The following MAP4 variants were observed in gnomAD, a reference collection of about 807,000 sequenced individuals.
MAP4 encodes the protein microtubule associated protein 4.
Under a neutral mutation model 170.2 loss-of-function variants are expected in MAP4, and 76 were observed. That is an observed-to-expected ratio of 0.45 (90% confidence interval 0.37 to 0.54). MAP4 has a LOEUF of 0.54. Ranked by LOEUF, MAP4 falls within the 20% of genes least tolerant of loss-of-function variation. The pLI, the probability that MAP4 is intolerant of heterozygous loss-of-function variation, is 0.00. For synonymous variants in MAP4, 909 were observed against 994.5 expected, an observed-to-expected ratio of 0.91 and a Z score of 1.62; for missense variants, 2,506 against 2,748.0, an observed-to-expected ratio of 0.91 and a Z score of 1.97.
intron 3 of MAP4, among the ~76,000 whole-genome samples, chr3:47,970,269 T>C (rs867722725): frequency 5.9e-5 from 9 of 151,882 alleles, no homozygotes; most frequent in Admixed American, 2.6e-4. Context: ...GTGGATCACC[T>C]GAGGTTGGGA....
In MAP4 at chr3:47,871,030, G is replaced by T. The variant is rs1559838305; in HGVS notation, c.6077C>A (p.Ala2026Asp). The T allele has an allele frequency of 1.2e-6, 2 of 1,613,978 alleles. No individual in the cohort carries two copies. Among genetic ancestry groups the T allele is most frequent in the Non-Finnish European group, 1.7e-6 (2 of 1,179,956 alleles). Reference protein sequence around the residue: ...KTTTLSGTAPAAGVVPSRVKA... With the variant: ...KTTTLSGTAPDAGVVPSRVKA... ...GACTCGGCTGGGAACCACCCCTGCA[G>T]CGGGGGCTGTCCCACTGAGAGTGGT... Residue 2026 changes from alanine (A) to aspartate (D), a missense_variant, in exon 15 of 21, where the codon GCT becomes GAT. By Grantham distance (126) the Ala-to-Asp change is moderately radical (BLOSUM62 -2). Around this residue, in one of 3 missense-constraint regions of MAP4, gnomAD observed 487 missense variants for 511.6 expected, o/e 0.95. Coordinates refer to ENST00000683076, the MANE Select transcript of MAP4 (RefSeq NM_001385682.1).
chr3:48,030,980 G>C (rs140116254), intron 1 of MAP4, among the ~76,000 whole-genome samples: 1 of 151,980 alleles, frequency 6.6e-6, no homozygotes, highest in African/African-American at 2.4e-5. Context: ...CCAAGAGGTA[G>C]AACATAACCC....
chr3:48,074,679 TGTGTG>T lies in MAP4; in HGVS notation c.-20+14089_-20+14093del, dbSNP rs1559906064. On this transcript the variant is annotated intron_variant, in intron 1 of 18. Coordinates refer to the MAP4 transcript ENST00000360240. Reference sequence around the variant, plus strand: ...GCAAGCCACCACATCCAGCTAATTGTGTGTGTGTGTGTGTGTGTGTGTGTGTGTGT... The same window carrying T: ...GCAAGCCACCACATCCAGCTAATTGTTGTGTGTGTGTGTGTGTGTGTGTGT... 7.4e-4 allele frequency among the ~76,000 whole-genome samples: 93 copies of T among 125,428 alleles called. 2 individuals are homozygous for T. Among genetic ancestry groups the T allele is most frequent in the African/African-American group, 1.9e-3 (66 of 35,226 alleles). 82.3% of individuals were successfully genotyped at this position (125,428 alleles called of 152,430 possible). A position where few individuals can be genotyped will look rare whatever the true frequency, so the allele number is the denominator to read the frequency against.
chr3:47,915,179 C>T lies in MAP4; in HGVS notation c.1877-240G>A, dbSNP rs146537959. Among the ~76,000 whole-genome samples the T allele has an allele frequency of 7.3e-4, 110 of 150,200 alleles. 1 individual carries two copies. The East Asian group carries it at 0.019, about 26-fold the overall frequency. ...TTGCTCAGGCTGGAGTGCAATGGTG[C>T]GATCTCGGCTCACCACAACCTCCGT... On this transcript the variant is annotated intron_variant, in intron 7 of 20. Transcript: ENST00000683076.
At chr3:47,903,532 C>CAAAA (rs983850258) in intron 9 of MAP4, among the ~76,000 whole-genome samples, 15 of 56,024 alleles carry the variant, frequency 2.7e-4, no homozygotes, top group Non-Finnish European at 5.0e-4. Flanking sequence ...GACTCCGTCT[C>CAAAA]AAAAAAAAAA....
chr3:47,953,929 G>A (rs1470468387), intron 3 of MAP4, among the ~76,000 whole-genome samples: 3 of 151,838 alleles, frequency 2.0e-5, no homozygotes, highest in African/African-American at 7.3e-5. Flanking sequence ...CATGAGAATT[G>A]CTTGAACCCA....
At chr3:48,004,365 A>C (rs929245649) in intron 1 of MAP4, among the ~76,000 whole-genome samples, 1 of 152,214 alleles carries the variant, frequency 6.6e-6, no homozygotes, top group African/African-American at 2.4e-5. Context: ...CATGAAAGGT[A>C]AGGACTTTAG....
chr3:48,029,727 C>A (rs2100114963), intron 1 of MAP4, among the ~76,000 whole-genome samples: 1 of 151,956 alleles, frequency 6.6e-6, no homozygotes, highest in Admixed American at 6.6e-5. Flanking sequence ...AGGTCGGGCA[C>A]GGTGGCTTAC....
rs1249313932 is a variant in MAP4, at chr3:47,852,020, A to T, written c.*914T>A. 1 of 152,340 alleles carries T rather than the reference A, an allele frequency of 6.6e-6. No homozygotes were observed. The highest frequency in any genetic ancestry group is 2.4e-5 in the African/African-American group (1 of 41,426). The allele number at this position is 152,340 out of a possible 1,614,324, so 9.4% of individuals were successfully genotyped here. On this transcript the variant is annotated 3_prime_UTR_variant, in exon 21 of 21. Coordinates refer to ENST00000683076, the MANE Select transcript of MAP4 (RefSeq NM_001385682.1). The stretch of plus-strand genomic sequence containing the variant: ...TACACACAACAAAATGGCAAAACCA[A>T]CCAGTCCACGCTCCAAGGGCCCCTT...
intron 2 of MAP4, chr3:47,987,328 G>T: frequency 7.8e-7 from 1 of 1,281,100 alleles, no homozygotes; most frequent in South Asian, 1.4e-5. Flanking sequence ...GCTTAATTAT[G>T]ATCTTACAAG....
chr3:48,078,639 T>C (rs2100145072), intron 1 of MAP4, among the ~76,000 whole-genome samples: 1 of 152,104 alleles, frequency 6.6e-6, no homozygotes, highest in Admixed American at 6.6e-5. Context: ...GAACTAAGCC[T>C]GTAAATCTGC....
chr3:47,894,422 A>G (rs2100025705), intron 10 of MAP4, among the ~76,000 whole-genome samples: 1 of 152,038 alleles, frequency 6.6e-6, no homozygotes, highest in Non-Finnish European at 1.5e-5. Context: ...CTCTACTAAA[A>G]AATACAAAAA....
chr3:47,958,830 T>A (rs958992353), intron 3 of MAP4, among the ~76,000 whole-genome samples: 2 of 151,934 alleles, frequency 1.3e-5, no homozygotes, highest in Non-Finnish European at 2.9e-5. Context: ...TCTATAGGCG[T>A]GCACCACCAC....
chr3:47,915,929 G>T, intron 7 of MAP4, 22 bp downstream of exon 7: 2 of 1,583,268 alleles, frequency 1.3e-6, no homozygotes, highest in Non-Finnish European at 8.6e-7. Context: ...GAGAAATACT[G>T]AGAATAAGCA....
intron 3 of MAP4, among the ~76,000 whole-genome samples, chr3:47,939,379 C>T (rs2100054925): frequency 6.6e-6 from 1 of 152,176 alleles, no homozygotes; most frequent in South Asian, 2.1e-4. Flanking sequence ...AAAGAAAATA[C>T]TGTGCTTTTA....
chr3:48,057,209 C>G (rs1383622313), intron 1 of MAP4, among the ~76,000 whole-genome samples: 3 of 147,140 alleles, frequency 2.0e-5, no homozygotes, highest in African/African-American at 7.5e-5. Flanking sequence ...CGGATGGTTG[C>G]CGTGTCTGTG....
intron 3 of MAP4, among the ~76,000 whole-genome samples, chr3:47,944,913 T>C (rs899438706): frequency 6.6e-6 from 1 of 151,624 alleles, no homozygotes; most frequent in African/African-American, 2.4e-5. Context: ...GGTGTGTGTT[T>C]GTTAATGGTA....
chr3:47,915,114 C>CT (rs367574892), intron 7 of MAP4, among the ~76,000 whole-genome samples, 175 bp from the exon 8 acceptor site: 483 of 138,944 alleles, frequency 3.5e-3, no homozygotes, highest in East Asian at 7.9e-3. Context: ...AGTTATGTTA[C>CT]TTTTTTTTTT....
chr3:47,955,055 G>A (rs1468398751), intron 3 of MAP4, among the ~76,000 whole-genome samples: 4 of 152,060 alleles, frequency 2.6e-5, no homozygotes, highest in Non-Finnish European at 4.4e-5. Flanking sequence ...AAAGAAACAG[G>A]GTAGTGATAC....
Sources: allele counts gnomAD v4.1 joint callset (sites outside exome capture counted in the v4.1 genomes callset), GRCh38; gene constraint gnomAD v4.1.1; regional missense constraint gnomAD v4.1.1; transcripts MANE v1.5; gene names NCBI Gene and HGNC (gene_info 2026-07-23, HGNC 2026-07-21).